Variants in CLDN16 observed in about 807,000 individuals in gnomAD.
The protein encoded by CLDN16 is claudin 16, also known as claudin-16.
In CLDN16, 13 loss-of-function variants were observed where a neutral mutation model predicts 24.6. That is an observed-to-expected ratio of 0.53 (90% confidence interval 0.34 to 0.84). CLDN16 has a LOEUF of 0.84. CLDN16 is among the 40% of genes least tolerant of loss of function. CLDN16 has a pLI of 0.01. For missense variants in CLDN16, 298 were observed against 292.7 expected (o/e 1.02, Z -0.13); for synonymous variants, 116 against 106.7 (o/e 1.09, Z -0.54).
chr3:190,291,546 C>A, the CLDN16 span, among the ~76,000 whole-genome samples: 1 of 152,084 alleles, frequency 6.6e-6, no homozygotes, highest in South Asian at 2.1e-4. Context: ...CCCATCAGGT[C>A]CCTCCCTCAA....
At chr3:190,347,022 T>A (rs534201892) in intron 1 of CLDN16, among the ~76,000 whole-genome samples, 1 of 152,304 alleles carries the variant, frequency 6.6e-6, no homozygotes, top group Admixed American at 6.5e-5. Flanking sequence ...TGGAGGATAC[T>A]CTTTATCCTC....
chr3:190,382,948 C>A (rs553528359), intron 3 of CLDN16, among the ~76,000 whole-genome samples: 1 of 152,160 alleles, frequency 6.6e-6, no homozygotes, highest in Non-Finnish European at 1.5e-5. Context: ...CAGGTGTGGG[C>A]TGCCCGTAAT....
the CLDN16 span, among the ~76,000 whole-genome samples, chr3:190,312,058 G>A: frequency 6.6e-6 from 1 of 151,638 alleles, no homozygotes; most frequent in Non-Finnish European, 1.5e-5. Context: ...AGCCTCTGGA[G>A]TATATGGGAT....
chr3:190,363,886 T>C (rs1210048340), intron 1 of CLDN16, among the ~76,000 whole-genome samples: 2 of 148,318 alleles, frequency 1.3e-5, no homozygotes, highest in Non-Finnish European at 3.0e-5. Flanking sequence ...CTTCTGATCA[T>C]TTTCCACTAT....
At chr3:190,335,428 A>T (rs1355092047) in intron 1 of CLDN16, among the ~76,000 whole-genome samples, 1 of 151,726 alleles carries the variant, frequency 6.6e-6, no homozygotes, top group Admixed American at 6.6e-5. Flanking sequence ...TTAAAGGTTT[A>T]TCCTGGCTGG....
At chr3:190,377,314 G>A (rs1198998536) in intron 3 of CLDN16, among the ~76,000 whole-genome samples, 1 of 151,966 alleles carries the variant, frequency 6.6e-6, no homozygotes, top group Non-Finnish European at 1.5e-5. Context: ...TGCTGCTAAT[G>A]CATTTGATAT....
At chr3:190,310,221 C>T in the CLDN16 span, 7 of 1,613,850 alleles carry the variant, frequency 4.3e-6, no homozygotes, top group South Asian at 4.4e-5. Flanking sequence ...ATTCTATTGC[C>T]ATACCATGCT....
chr3:190,341,533 G>A (rs1717434324), intron 1 of CLDN16, among the ~76,000 whole-genome samples: 1 of 151,428 alleles, frequency 6.6e-6, no homozygotes, highest in Admixed American at 6.5e-5. Flanking sequence ...CCCTGGGCCT[G>A]GCCCACTAAA....
chr3:190,338,127 C>G (rs1442910252), intron 1 of CLDN16, among the ~76,000 whole-genome samples: 1 of 152,124 alleles, frequency 6.6e-6, no homozygotes, highest in African/African-American at 2.4e-5. Context: ...AGTAGCCCTA[C>G]TTCACCGCCA....
chr3:190,353,093 CAT>C (rs1173528430), intron 1 of CLDN16, among the ~76,000 whole-genome samples: 1 of 151,984 alleles, frequency 6.6e-6, no homozygotes, highest in Non-Finnish European at 1.5e-5. Flanking sequence ...ATGGGATAAA[CAT>C]AGTACCTACT....
chr3:190,313,380 C>A, the CLDN16 span, among the ~76,000 whole-genome samples: 1 of 152,070 alleles, frequency 6.6e-6, no homozygotes, highest in Non-Finnish European at 1.5e-5. Flanking sequence ...TTCATCCTTG[C>A]TAAGATAATT....
chr3:190,332,774 A>AT (rs5855323), intron 1 of CLDN16, among the ~76,000 whole-genome samples: 55,408 of 147,814 alleles, frequency 0.37, 10,366 homozygotes, highest in East Asian at 0.61. Flanking sequence ...GCAGAGCATG[A>AT]TTTTTTTTTT....
At chr3:190,394,596 T>C (rs145119629) in intron 1 of CLDN16, among the ~76,000 whole-genome samples, 43 of 151,698 alleles carry the variant, frequency 2.8e-4, no homozygotes, top group South Asian at 1.2e-3. Context: ...AAATGTTCTC[T>C]TATTTATCTC....
intron 2 of CLDN16, among the ~76,000 whole-genome samples, chr3:190,404,428 A>G (rs981083936): frequency 3.3e-5 from 5 of 152,228 alleles, no homozygotes; most frequent in Non-Finnish European, 7.3e-5. Flanking sequence ...GCAATCGGCT[A>G]CAATATTTGT....
intron 1 of CLDN16, among the ~76,000 whole-genome samples, chr3:190,399,771 C>A (rs1426125969): frequency 6.6e-6 from 1 of 152,132 alleles, no homozygotes; most frequent in Non-Finnish European, 1.5e-5. Flanking sequence ...AACCCCCAGG[C>A]CACAGACCAG....
At chr3:190,379,489 C>A (rs1224568172) in intron 3 of CLDN16, among the ~76,000 whole-genome samples, 2 of 152,048 alleles carry the variant, frequency 1.3e-5, no homozygotes, top group South Asian at 2.1e-4. Flanking sequence ...TTCATTTGTT[C>A]ATTTATTAAT....
At chr3:190,314,801 A>G in the CLDN16 span, among the ~76,000 whole-genome samples, 1 of 152,188 alleles carries the variant, frequency 6.6e-6, no homozygotes, top group South Asian at 2.1e-4. Context: ...ATTTAAAAAT[A>G]AAAAAGAGAC....
upstream of CLDN16, among the ~76,000 whole-genome samples, chr3:190,386,947 C>T (rs1718514360): frequency 6.6e-6 from 1 of 152,062 alleles, no homozygotes; most frequent in African/African-American, 2.4e-5. Context: ...AAATAATTTT[C>T]AAATGGAAAA....
chr3:190,310,091 G>T, the CLDN16 span: 1 of 1,134,022 alleles, frequency 8.8e-7, no homozygotes, highest in African/African-American at 1.5e-5. Context: ...GGGAAATGAT[G>T]GCACTAGCAG....
Sources: gnomAD v4.1 joint callset for allele counts (sites outside exome capture counted in the v4.1 genomes callset) on GRCh38, gnomAD v4.1.1 for gene constraint, MANE v1.5 for transcripts, NCBI Gene and HGNC (gene_info 2026-07-23, HGNC 2026-07-21) for gene names.